CTNNA3: variants seen among roughly 807,000 people sequenced by gnomAD.
CTNNA3 encodes the protein catenin alpha 3, also known as catenin alpha-3.
Under a neutral mutation model 95.7 loss-of-function variants are expected in CTNNA3, and 76 were observed. That is an observed-to-expected ratio of 0.79 (90% CI 0.66 to 0.96). The LOEUF is 0.96. Among genes scored for constraint, CTNNA3 ranks in the 40% least tolerant of loss-of-function variants. CTNNA3 has a pLI of 0.00. For synonymous variants in CTNNA3, 431 were observed against 374.4 expected, an observed-to-expected ratio of 1.15 and a Z score of -1.74; for missense variants, 1,191 against 1,089.8, an observed-to-expected ratio of 1.09 and a Z score of -1.31.
rs1240621647 is a variant in CTNNA3, at chr10:67,219,860, G to A, written c.590C>T (p.Ser197Phe). ...LAFKRQQDLK[S>F]PNQRDEIAGA... ...TGCAATTTCATCTCTCTGATTTGGA[G>A]ATTTTAAGTCCTGAGAAGGTAAATA... Residue 197 changes from serine (S) to phenylalanine (F), a missense_variant, in exon 6 of 18, where the codon TCT becomes TTT. By Grantham distance (155) the Ser-to-Phe change is radical. Coordinates refer to ENST00000433211, the MANE Select transcript of CTNNA3 (RefSeq NM_013266.4). The A allele has an allele frequency of 6.2e-7, 1 of 1,610,108 alleles. No individual in the cohort carries two copies. The highest frequency in any genetic ancestry group is 2.2e-5 in the East Asian group (1 of 44,776).
chr10:67,240,280 C>A (rs1865667250), intron 5 of CTNNA3, among the ~76,000 whole-genome samples: 1 of 152,206 alleles, frequency 6.6e-6, no homozygotes, highest in Non-Finnish European at 1.5e-5. Flanking sequence ...CCAGTCTTCT[C>A]TCTGCCAAGA....
intron 7 of CTNNA3, among the ~76,000 whole-genome samples, chr10:66,993,656 G>A (rs1589563844): frequency 6.9e-6 from 1 of 145,878 alleles, no homozygotes; most frequent in Admixed American, 6.9e-5. Flanking sequence ...AATGTTTATT[G>A]AGTACCTACT....
At chr10:67,647,564 T>C (rs1394280282) in intron 1 of CTNNA3, 46 bp from the exon 2 acceptor site, 2 of 1,487,610 alleles carry the variant, frequency 1.3e-6, no homozygotes. Context: ...GAAAACTGTT[T>C]TCTAAAGAAG....
chr10:66,268,602 G>A (rs1241342327), intron 13 of CTNNA3, among the ~76,000 whole-genome samples: 4 of 152,192 alleles, frequency 2.6e-5, no homozygotes, highest in Non-Finnish European at 5.9e-5. Flanking sequence ...ATACCATTAT[G>A]TGTGGAGTAA....
intron 7 of CTNNA3, among the ~76,000 whole-genome samples, chr10:66,845,700 T>A (rs1472913554): frequency 2.2e-4 from 1 of 4,634 alleles, no homozygotes; most frequent in African/African-American, 1.0e-3. Flanking sequence ...CAAAACTCTG[T>A]CTCAAAAAAA....
At chr10:66,090,095 C>T (rs796976032) in intron 14 of CTNNA3, among the ~76,000 whole-genome samples, 8 of 152,096 alleles carry the variant, frequency 5.3e-5, no homozygotes, top group African/African-American at 1.9e-4. Context: ...ACAGCCCTGA[C>T]AACACAGCAC....
chr10:66,665,472 A>G (rs1846419243), intron 9 of CTNNA3, among the ~76,000 whole-genome samples: 1 of 152,208 alleles, frequency 6.6e-6, no homozygotes, highest in Non-Finnish European at 1.5e-5. Flanking sequence ...ACACAATTTT[A>G]TCTCTGTCTT....
intron 7 of CTNNA3, among the ~76,000 whole-genome samples, chr10:66,898,976 T>G (rs1232782711): frequency 5.9e-5 from 9 of 152,160 alleles, no homozygotes; most frequent in African/African-American, 2.2e-4. Flanking sequence ...TGATAAGAGA[T>G]TAATATCCAA....
intron 15 of CTNNA3, among the ~76,000 whole-genome samples, chr10:66,065,499 C>A (rs867268735): frequency 6.6e-6 from 1 of 152,026 alleles, no homozygotes; most frequent in Non-Finnish European, 1.5e-5. Flanking sequence ...TTTCCATTCA[C>A]CATTTCGTAA....
chr10:66,567,397 T>C lies in CTNNA3; in HGVS notation c.1375-46624A>G, dbSNP rs1215877702. Among the ~76,000 whole-genome samples the C allele has an allele frequency of 3.9e-5, 6 of 152,088 alleles. No individual in the cohort carries two copies. In the South Asian group the frequency reaches 8.3e-4, roughly 21 times the overall value. ...CAATTTGGGGGCCAAGGCAGGAGAA[T>C]TGCTTGAGCCCAGGAGTTTAAGACC... On this transcript the variant is annotated intron_variant, in intron 10 of 17. Transcript: ENST00000433211.
At chr10:66,117,253 T>G (rs1432569188) in intron 13 of CTNNA3, among the ~76,000 whole-genome samples, 1 of 152,182 alleles carries the variant, frequency 6.6e-6, no homozygotes, top group African/African-American at 2.4e-5. Context: ...AATGTGCATT[T>G]TATTAAATGT....
rs61854191 is a variant in CTNNA3, at chr10:67,638,126, G to C, written c.99+9289C>G. ...GCTGCATTCAGGAAACCCATCTCAC[G>C]TGCAGAGACACACATAGGCTCAAAA... On this transcript the variant is annotated intron_variant, in intron 2 of 17. Transcript: ENST00000433211. Among the ~76,000 whole-genome samples the C allele has an allele frequency of 6.6e-5, 10 of 152,208 alleles. No individual in the cohort carries two copies. In the East Asian group the frequency reaches 1.9e-3, roughly 29 times the overall value.
intron 9 of CTNNA3, among the ~76,000 whole-genome samples, chr10:66,632,569 A>G (rs1327121943): frequency 6.6e-6 from 1 of 150,408 alleles, no homozygotes. Context: ...AAAAAAAAAA[A>G]AAAAAAAGAA....
At chr10:67,172,977 GAAA>G (rs61247841) in intron 7 of CTNNA3, among the ~76,000 whole-genome samples, 2 of 130,622 alleles carry the variant, frequency 1.5e-5, no homozygotes, top group Non-Finnish European at 1.7e-5. Context: ...CCCATCTCAG[GAAA>G]AAAAAAAAAA....
chr10:67,682,602 G>A (rs1352511745), intron 1 of CTNNA3, among the ~76,000 whole-genome samples: 1 of 152,120 alleles, frequency 6.6e-6, no homozygotes, highest in Admixed American at 6.5e-5. Flanking sequence ...ACTTCTTGAA[G>A]AGAAATATGA....
intron 5 of CTNNA3, among the ~76,000 whole-genome samples, chr10:67,299,756 G>A (rs2132492123): frequency 6.6e-6 from 1 of 152,232 alleles, no homozygotes; most frequent in Non-Finnish European, 1.5e-5. Flanking sequence ...AAAATATACA[G>A]CCATTGCTAC....
intron 6 of CTNNA3, among the ~76,000 whole-genome samples, chr10:67,214,689 C>A (rs930537473): frequency 1.3e-5 from 2 of 151,658 alleles, no homozygotes; most frequent in Non-Finnish European, 3.0e-5. Context: ...ATATATTTAT[C>A]TTTTTTCTTG....
chr10:66,097,364 C>T lies in CTNNA3; in HGVS notation c.1977+5793G>A, dbSNP rs2081437260. Among the ~76,000 whole-genome samples, 2 of 152,112 alleles carry T rather than the reference C, an allele frequency of 1.3e-5. 1 individual carries two copies. Among genetic ancestry groups the T allele is most frequent in the South Asian group, 4.1e-4 (2 of 4,826 alleles). On this transcript the variant is annotated intron_variant, in intron 14 of 17. Transcript: ENST00000433211. ...AAAGATCTGCATTTTTCATGAGATTCATTTTATAAAAATCAAAATTTATTG... is the reference window on the plus strand; with the variant it reads ...AAAGATCTGCATTTTTCATGAGATTTATTTTATAAAAATCAAAATTTATTG...
intron 13 of CTNNA3, among the ~76,000 whole-genome samples, chr10:66,192,801 T>C (rs887674779): frequency 3.9e-5 from 6 of 152,188 alleles, no homozygotes; most frequent in Non-Finnish European, 5.9e-5. Context: ...TCTTTGCATA[T>C]ATTTTGCCTT....
Sources: gnomAD v4.1 joint callset for allele counts (sites outside exome capture counted in the v4.1 genomes callset) on GRCh38, gnomAD v4.1.1 for gene constraint, MANE v1.5 for transcripts, NCBI Gene and HGNC (gene_info 2026-07-23, HGNC 2026-07-21) for gene names.